ST3GAL1: variants seen among roughly 807,000 people sequenced by gnomAD.
ST3GAL1 encodes the protein CMP-N-acetylneuraminate-beta-galactosamide-alpha-2,3-sialyltransferase 1.
In ST3GAL1, 16 loss-of-function variants were observed where a neutral mutation model predicts 34.1. That is an observed-to-expected ratio of 0.47 (90% CI 0.32 to 0.71). ST3GAL1 has a LOEUF of 0.71. ST3GAL1 is among the 30% of genes least tolerant of loss of function. The probability of loss-of-function intolerance (pLI) is 0.04; values close to 1 mark genes in which losing one functional copy is unlikely to be tolerated. For missense variants in ST3GAL1, 353 were observed against 447.4 expected (o/e 0.79, Z 1.90); for synonymous variants, 191 against 184.7 (o/e 1.03, Z -0.28).
At chr8:133,522,009 A>G (rs1411619345) in intron 2 of ST3GAL1, among the ~76,000 whole-genome samples, 53 of 152,312 alleles carry the variant, frequency 3.5e-4, no homozygotes, top group Non-Finnish European at 8.8e-5. Flanking sequence ...TGAAACTTCC[A>G]AACTTCCAAA....
In ST3GAL1 at chr8:133,535,564, C is replaced by G. The variant is rs139186534; in HGVS notation, c.-429+10210G>C. ...AAACAAGGTCTCGCTCTGTCAAGTT[C>G]TGTTCATAGCTCCCTGCAGCCTTGA... On this transcript the variant is annotated intron_variant, in intron 2 of 9. Transcript: ENST00000522652. Among the ~76,000 whole-genome samples the G allele has an allele frequency of 4.1e-3, 589 of 144,418 alleles. 5 individuals carry two copies. Among genetic ancestry groups the G allele is most frequent in the African/African-American group, 0.016 (565 of 34,612 alleles). The allele number at this position is 144,418 out of a possible 152,430, so 94.7% of individuals were successfully genotyped here.
intron 1 of ST3GAL1, among the ~76,000 whole-genome samples, chr8:133,560,259 C>T (rs1819179202): frequency 1.3e-5 from 2 of 149,788 alleles, no homozygotes; most frequent in African/African-American, 4.9e-5. Context: ...GTCAGTTTTA[C>T]TAAAAAAAAA....
intron 2 of ST3GAL1, among the ~76,000 whole-genome samples, chr8:133,523,334 C>T (rs1817867230): frequency 6.6e-6 from 1 of 152,012 alleles, no homozygotes; most frequent in Non-Finnish European, 1.5e-5. Context: ...CAAAGGTGTG[C>T]AGCTGTTGCT....
At chr8:133,534,994 T>TGGTCAGTGA (rs1247939015) in intron 2 of ST3GAL1, among the ~76,000 whole-genome samples, 4 of 152,102 alleles carry the variant, frequency 2.6e-5, no homozygotes, top group Admixed American at 1.3e-4. Flanking sequence ...CAAGACAGTG[T>TGGTCAGTGA]GGTCAGTGAA....
At chr8:133,559,183 T>A (rs1271771402) in intron 1 of ST3GAL1, among the ~76,000 whole-genome samples, 1 of 152,218 alleles carries the variant, frequency 6.6e-6, no homozygotes, top group Non-Finnish European at 1.5e-5. Flanking sequence ...TACTTAACTC[T>A]TGTTTATATC....
rs1251224392 is a variant in ST3GAL1, at chr8:133,466,110, G to T, written c.307-20C>A. On this transcript the variant is annotated intron_variant, in intron 5 of 9. Coordinates refer to ENST00000522652, the MANE Select transcript of ST3GAL1 (RefSeq NM_173344.3). The surrounding 1 kb of genome is among the most constrained non-coding windows in gnomAD (Gnocchi z 4.4). ...GAGCCTCTGTGGGCGGAGGACAGAA[G>T]GTGGTCAACCTGGCTTTGTGGCTCC... 1 of 1,597,642 alleles carries T rather than the reference G, an allele frequency of 6.3e-7. No individual in the cohort carries two copies. Among genetic ancestry groups the T allele is most frequent in the Admixed American group, 1.7e-5 (1 of 59,014 alleles).
chr8:133,497,640 T>C (rs1817006219), intron 3 of ST3GAL1, among the ~76,000 whole-genome samples: 1 of 151,784 alleles, frequency 6.6e-6, no homozygotes, highest in Admixed American at 6.6e-5. Context: ...GCCTGGCTAA[T>C]TTTTGTATTT....
chr8:133,501,212 C>A (rs182475578), intron 2 of ST3GAL1, among the ~76,000 whole-genome samples: 1 of 152,306 alleles, frequency 6.6e-6, no homozygotes, highest in East Asian at 1.9e-4. Context: ...GAGTTCACCC[C>A]AAGCCTAGGT....
intron 1 of ST3GAL1, among the ~76,000 whole-genome samples, chr8:133,560,247 G>C (rs371540858): frequency 2.2e-5 from 1 of 45,570 alleles, no homozygotes; most frequent in African/African-American, 4.9e-5. Context: ...CAATTACTAT[G>C]TGTCAGTTTT....
At chr8:133,562,790 TTTCTTTCCTTCCTTCCTTCCTTCC>T (rs1563744561) in intron 1 of ST3GAL1, among the ~76,000 whole-genome samples, 9 of 130,848 alleles carry the variant, frequency 6.9e-5, no homozygotes, top group South Asian at 2.7e-4. Flanking sequence ...TCTTTCTTTC[TTTCTTTCCTTCCTTCCTTCCTTCC>T]TTCCTTCCTT....
At chr8:133,529,902 C>T (rs556474427) in intron 2 of ST3GAL1, among the ~76,000 whole-genome samples, 1 of 152,326 alleles carries the variant, frequency 6.6e-6, no homozygotes, top group African/African-American at 2.4e-5. Context: ...CCCCGGGCCC[C>T]TCTGCTGCCA....
At position 133,469,512 on chromosome 8, in the gene ST3GAL1, C is replaced by G. The variant is rs533966224; in HGVS notation, c.307-3422G>C. Among the ~76,000 whole-genome samples, 1 of 152,170 alleles carries G rather than the reference C, an allele frequency of 6.6e-6. No individual in the cohort carries two copies. Among genetic ancestry groups the G allele is most frequent in the Non-Finnish European group, 1.5e-5 (1 of 68,048 alleles). ...GGGATTATAGGTGTGAGCCACCATG[C>G]CTGGCCAAATAATAAAAATAAACTT... On this transcript the variant is annotated intron_variant, in intron 5 of 9. Coordinates refer to ENST00000522652, the MANE Select transcript of ST3GAL1 (RefSeq NM_173344.3). This position sits in a 1 kb window ranked among gnomAD's most constrained non-coding sequence, Gnocchi z 4.3.
chr8:133,531,923 T>C (rs948588203), intron 2 of ST3GAL1, among the ~76,000 whole-genome samples: 6 of 151,478 alleles, frequency 4.0e-5, no homozygotes, highest in African/African-American at 1.5e-4. Flanking sequence ...GGGGAATCCA[T>C]GATATCAAAG....
At chr8:133,525,860 C>T (rs184054056) in intron 2 of ST3GAL1, among the ~76,000 whole-genome samples, 26 of 152,204 alleles carry the variant, frequency 1.7e-4, no homozygotes, top group Non-Finnish European at 3.2e-4. Flanking sequence ...CAGGCAATTA[C>T]AAGCCTGCAT....
At chr8:133,522,873 C>T (rs566609767) in intron 2 of ST3GAL1, among the ~76,000 whole-genome samples, 5 of 152,232 alleles carry the variant, frequency 3.3e-5, no homozygotes, top group South Asian at 2.1e-4. Context: ...CCTCACCAGG[C>T]GAGGGAAGGG....
chr8:133,534,645 C>G lies in ST3GAL1; in HGVS notation c.-429+11129G>C, dbSNP rs533921647. On this transcript the variant is annotated intron_variant, in intron 2 of 9. Transcript: ENST00000522652. ...AGGAGCCCACAGACATGGGGTCCGC[C>G]CATTTCCAGTTCTCCAAAGGCTGGA... Among the ~76,000 whole-genome samples, 6 of 152,328 alleles carry G rather than the reference C, an allele frequency of 3.9e-5. No homozygotes were observed. The East Asian group carries it at 9.7e-4, about 25-fold the overall frequency.
intron 1 of ST3GAL1, among the ~76,000 whole-genome samples, chr8:133,557,022 T>C (rs747590789): frequency 2.6e-5 from 4 of 152,110 alleles, no homozygotes; most frequent in Non-Finnish European, 5.9e-5. Flanking sequence ...AACCTGACCC[T>C]CCCAACCTGG....
chr8:133,496,664 G>A (rs1327954302), intron 3 of ST3GAL1, among the ~76,000 whole-genome samples: 8 of 152,168 alleles, frequency 5.3e-5, no homozygotes, highest in Admixed American at 5.2e-4. Context: ...GAGACACCTG[G>A]CCCTGCTGTG....
Position 133,459,774 on chromosome 8 carries a change from T to G in ST3GAL1, c.1013A>C (p.Lys338Thr), listed in dbSNP as rs376391506. 1 of 1,612,074 alleles carries G rather than the reference T, an allele frequency of 6.2e-7. No homozygotes were observed. Among genetic ancestry groups the G allele is most frequent in the Non-Finnish European group, 8.5e-7 (1 of 1,178,818 alleles). The change falls in exon 10 of 10, where the codon AAG becomes ACG. Residue 338 changes from lysine (K) to threonine (T), a missense_variant. Transcript: ENST00000522652. This position sits in a 1 kb window ranked among gnomAD's most constrained non-coding sequence, Gnocchi z 4.7. ...LASINKIRIF[K>T]GR The stretch of plus-strand genomic sequence containing the variant: ...CAGCCCTTCACTGCGTCATCTCCCC[T>G]TGAAGATCCGGATTTTATTGATGGA...
Sources: gnomAD v4.1 joint callset for allele counts (sites outside exome capture counted in the v4.1 genomes callset) on GRCh38, gnomAD v4.1.1 for gene constraint, Gnocchi (gnomAD v3.1) non-coding constraint, MANE v1.5 for transcripts, NCBI Gene and HGNC (gene_info 2026-07-23, HGNC 2026-07-21) for gene names.